Variants in HS6ST3 observed in about 807,000 individuals in gnomAD.
The protein encoded by HS6ST3 is heparan-sulfate 6-O-sulfotransferase 3.
HS6ST3 carries 12 observed loss-of-function variants against 36.7 expected under a neutral mutation model. The ratio of observed to expected loss-of-function variants is 0.33; its 90% CI spans 0.21 to 0.53. HS6ST3 has a LOEUF of 0.53. HS6ST3 is among the 20% of genes least tolerant of loss of function. The pLI is 0.95. For missense variants in HS6ST3, 584 were observed against 640.9 expected, an observed-to-expected ratio of 0.91 and a Z score of 0.96; for synonymous variants, 240 against 257.5, an observed-to-expected ratio of 0.93 and a Z score of 0.65.
chr13:96,649,391 A>T (rs191542781), intron 1 of HS6ST3, among the ~76,000 whole-genome samples: 2 of 152,144 alleles, frequency 1.3e-5, no homozygotes, highest in Admixed American at 1.3e-4. Flanking sequence ...CCATGATTCA[A>T]TTATCTCCAC....
intron 1 of HS6ST3, among the ~76,000 whole-genome samples, chr13:96,652,787 G>A (rs1006722401): frequency 3.9e-5 from 6 of 152,106 alleles, no homozygotes; most frequent in African/African-American, 1.4e-4. Context: ...GCTGCAGTTA[G>A]CAATAGGATT....
intron 1 of HS6ST3, among the ~76,000 whole-genome samples, chr13:96,627,623 T>C (rs1358799176): frequency 6.6e-6 from 1 of 151,978 alleles, no homozygotes; most frequent in Non-Finnish European, 1.5e-5. Flanking sequence ...ATATTTATTT[T>C]AATAGTAAGA....
At chr13:96,647,727 AC>A (rs1372417190) in intron 1 of HS6ST3, among the ~76,000 whole-genome samples, 2 of 152,030 alleles carry the variant, frequency 1.3e-5, no homozygotes, top group African/African-American at 4.8e-5. Flanking sequence ...AAGAAGTTTT[AC>A]CCATTCTCTG....
At chr13:96,301,963 ATATC>A (rs1284792684) in intron 1 of HS6ST3, among the ~76,000 whole-genome samples, 11 of 149,568 alleles carry the variant, frequency 7.4e-5, no homozygotes, top group African/African-American at 2.7e-4. Context: ...AGTAAGAAAA[ATATC>A]TACCCTTTTA....
intron 1 of HS6ST3, among the ~76,000 whole-genome samples, chr13:96,288,246 A>G (rs1164529667): frequency 6.6e-6 from 1 of 152,188 alleles, no homozygotes; most frequent in Non-Finnish European, 1.5e-5. Context: ...CATTTATTAT[A>G]AATATACACA....
chr13:96,688,213 T>TAATAATAATA (rs1874841089), intron 1 of HS6ST3, among the ~76,000 whole-genome samples: 1 of 75,050 alleles, frequency 1.3e-5, no homozygotes, highest in African/African-American at 3.4e-5. Flanking sequence ...GAACTTAAAG[T>TAATAATAATA]ATAATAATAA....
At chr13:96,825,856 T>G (rs968580087) in intron 1 of HS6ST3, among the ~76,000 whole-genome samples, 112 of 152,310 alleles carry the variant, frequency 7.4e-4, no homozygotes, top group Non-Finnish European at 1.3e-3. Flanking sequence ...TCTTAAATAT[T>G]CTTTGTCCAC....
rs74554482 is a variant in HS6ST3, at chr13:96,093,841, A to G, written c.707+2272A>G. Among the ~76,000 whole-genome samples the G allele has an allele frequency of 7.2e-4, 109 of 152,318 alleles. 2 individuals carry two copies. The East Asian group carries it at 0.02, about 28-fold the overall frequency. ...TTGTAATGTCTGTGTACAGCATTCTACAGTCAACTAGATTAGCCTGGATAA... is the reference window on the plus strand; with the variant it reads ...TTGTAATGTCTGTGTACAGCATTCTGCAGTCAACTAGATTAGCCTGGATAA... On this transcript the variant is annotated intron_variant, in intron 1 of 1. Coordinates refer to ENST00000376705, the MANE Select transcript of HS6ST3 (RefSeq NM_153456.4).
intron 1 of HS6ST3, among the ~76,000 whole-genome samples, chr13:96,600,607 T>C (rs1025010441): frequency 3.3e-5 from 5 of 152,088 alleles, no homozygotes; most frequent in Admixed American, 3.3e-4. Flanking sequence ...TTGGTGTGCT[T>C]TTTAAATTCA....
chr13:96,145,866 A>G (rs890739644), intron 1 of HS6ST3, among the ~76,000 whole-genome samples: 3 of 152,158 alleles, frequency 2.0e-5, no homozygotes, highest in Admixed American at 1.3e-4. Flanking sequence ...TCAGCTTTCT[A>G]CATATGGCTA....
intron 1 of HS6ST3, among the ~76,000 whole-genome samples, chr13:96,465,365 C>T (rs1015753935): frequency 1.2e-4 from 19 of 152,058 alleles, no homozygotes; most frequent in African/African-American, 3.9e-4. Context: ...TCAAGACATA[C>T]ATGGGGGAAT....
chr13:96,706,413 TTATATA>T lies in HS6ST3; in HGVS notation c.708-126054_708-126049del, dbSNP rs3052119. ...TATATAAAATATAATAGAATATATT[TTATATA>T]TATATATATATATATATATATAATC... On this transcript the variant is annotated intron_variant, in intron 1 of 1. Coordinates refer to ENST00000376705, the MANE Select transcript of HS6ST3 (RefSeq NM_153456.4). Among the ~76,000 whole-genome samples the T allele has an allele frequency of 3.5e-3, 419 of 121,018 alleles. 15 individuals are homozygous for T. The highest frequency in any genetic ancestry group is 0.027 in the South Asian group (105 of 3,878). The allele number at this position is 121,018 out of a possible 152,430, so 79.4% of individuals were successfully genotyped here. A position where few individuals can be genotyped will look rare whatever the true frequency, so the allele number is the denominator to read the frequency against.
intron 1 of HS6ST3, among the ~76,000 whole-genome samples, chr13:96,098,666 T>TAAATA (rs58291935): frequency 0.86 from 130,720 of 151,272 alleles, 56,692 homozygotes; most frequent in East Asian, 0.91. Context: ...TAAAAATAAA[T>TAAATA]AAATAAAATA....
intron 1 of HS6ST3, among the ~76,000 whole-genome samples, chr13:96,340,857 A>G (rs2055126862): frequency 6.6e-6 from 1 of 152,234 alleles, no homozygotes; most frequent in Non-Finnish European, 1.5e-5. Flanking sequence ...AAAATCTTCA[A>G]CTGCCTTAGC....
At chr13:96,527,345 T>A (rs1292160832) in intron 1 of HS6ST3, among the ~76,000 whole-genome samples, 2 of 152,204 alleles carry the variant, frequency 1.3e-5, no homozygotes, top group African/African-American at 2.4e-5. Flanking sequence ...GATTTTTTTT[T>A]AAAGTAAGTT....
At chr13:96,289,602 A>T (rs1005045795) in intron 1 of HS6ST3, among the ~76,000 whole-genome samples, 5 of 152,246 alleles carry the variant, frequency 3.3e-5, no homozygotes, top group African/African-American at 1.2e-4. Flanking sequence ...ATTAAAAAAT[A>T]AAATTCAAGA....
At chr13:96,478,268 C>T (rs1453401639) in intron 1 of HS6ST3, among the ~76,000 whole-genome samples, 2 of 152,148 alleles carry the variant, frequency 1.3e-5, no homozygotes, top group Non-Finnish European at 2.9e-5. Flanking sequence ...TATTAACTGC[C>T]TGCTTCTTTT....
chr13:96,627,994 A>G (rs528881960), intron 1 of HS6ST3, among the ~76,000 whole-genome samples: 201 of 151,546 alleles, frequency 1.3e-3, no homozygotes, highest in African/African-American at 4.6e-3. Context: ...AGTTTTTTCT[A>G]TTGTCTATTT....
In HS6ST3 at chr13:96,792,462, G is replaced by A. The variant is rs550603365; in HGVS notation, c.708-40028G>A. Among the ~76,000 whole-genome samples the A allele has an allele frequency of 1.6e-4, 24 of 151,812 alleles. No homozygotes were observed. The South Asian group carries it at 2.1e-3, about 13-fold the overall frequency. ...CTTCAACTTCTCTGTGGTTGCCCTT[G>A]GAAATTGCTGATCTCCAAGCTCCCT... On this transcript the variant is annotated intron_variant, in intron 1 of 1. Transcript: ENST00000376705.
Sources: gnomAD v4.1 joint callset for allele counts (sites outside exome capture counted in the v4.1 genomes callset) on GRCh38, gnomAD v4.1.1 for gene constraint, MANE v1.5 for transcripts, NCBI Gene and HGNC (gene_info 2026-07-23, HGNC 2026-07-21) for gene names.